The following FLG variants were observed in gnomAD, a reference collection of about 807,000 sequenced individuals.
FLG encodes the protein epidermal filaggrin.
A neutral mutation model predicts 3.8 loss-of-function variants in FLG; 6 were observed. That is an observed-to-expected ratio of 1.60 (90% CI 0.87 to 3.15). The LOEUF (loss-of-function observed/expected upper bound fraction) is 3.15, where lower values mean the gene tolerates loss of function less well. FLG is among the 30% of genes most tolerant of loss of function. The pLI, the probability that FLG is intolerant of heterozygous loss-of-function variation, is 0.00. For missense variants in FLG, 7,595 were observed against 5,050.9 expected, an observed-to-expected ratio of 1.50 and a Z score of -15.27; for synonymous variants, 2,551 against 1,931.6, an observed-to-expected ratio of 1.32 and a Z score of -8.41.
Position 152,312,723 on chromosome 1 carries a change from T to C in FLG, c.2163A>G (p.Arg721=). 1 of 1,613,968 alleles carries C rather than the reference T, an allele frequency of 6.2e-7. No individual in the cohort carries two copies. The highest frequency in any genetic ancestry group is 2.2e-5 in the East Asian group (1 of 44,858). ...RHQLQSADSS[R]HSGTGHGQAS... ...CTTGTCCGTGCCCAGTGCCTGAGTG[T>C]CTGGAGCTGTCTGCTGACTGGAGCT... is the stretch of plus-strand genomic sequence containing the variant. Residue 721 remains arginine, a synonymous_variant, in exon 3 of 3, where the codon AGA becomes AGG. Transcript: ENST00000368799.
rs779686340 is a variant in FLG at position 152,312,698 on chromosome 1, C to A, written c.2188G>T (p.Ala730Ser). The change falls in exon 3 of 3, where the codon GCT (alanine) becomes TCT (serine). Residue 730 changes from alanine to serine, a missense_variant. By Grantham distance (99) the Ala-to-Ser change is moderately conservative. Coordinates refer to ENST00000368799, the MANE Select transcript of FLG (RefSeq NM_002016.2). Reference protein sequence around the residue: ...SRHSGTGHGQASSAVRDSGHR... With the variant: ...SRHSGTGHGQSSSAVRDSGHR... ...CCACTGTCTCTGACTGCAGATGAAG[C>A]TTGTCCGTGCCCAGTGCCTGAGTGT... 1.2e-6 allele frequency: 2 copies of A among 1,614,036 alleles called. No homozygotes were observed. Among genetic ancestry groups the A allele is most frequent in the South Asian group, 2.2e-5 (2 of 91,064 alleles).
chr1:152,311,266 G>A lies in FLG; in HGVS notation c.3620C>T (p.Ser1207Phe), dbSNP rs142660239. Residue 1207 changes from serine to phenylalanine, a missense_variant, in exon 3 of 3, where the codon TCC becomes TTC. Coordinates refer to ENST00000368799, the MANE Select transcript of FLG (RefSeq NM_002016.2). Reference protein sequence around the residue: ...HTTSQGRSDASHGQSGSRSAS... With the variant: ...HTTSQGRSDAFHGQSGSRSAS... ...ACTTCTGGATCCTGACTGCCCATGG[G>A]AGGCATCAGACCTTCCCTGGGATGT... The A allele has an allele frequency of 1.2e-6, 2 of 1,613,818 alleles. No homozygotes were observed. The highest frequency in any genetic ancestry group is 1.7e-6 in the Non-Finnish European group (2 of 1,179,968).
Position 152,303,740 on chromosome 1 carries a change from T to A in FLG, c.11146A>T (p.Thr3716Ser), listed in dbSNP as rs1294140507. The change falls in exon 3 of 3, where the codon ACT becomes TCT. Residue 3716 changes from threonine (T) to serine (S), a missense_variant. Physicochemically the swap from Thr to Ser is moderately conservative, Grantham distance 58. Coordinates refer to ENST00000368799, the MANE Select transcript of FLG (RefSeq NM_002016.2). The part of the protein sequence containing the change: ...RSGSFLYQVS[T>S]HEQSESAHGR... ...TGGGCAGACTCAGACTGTTCATGAGTGCTCACCTGGTAGAGGAAAGACCCT... is the reference window on the plus strand; with the variant it reads ...TGGGCAGACTCAGACTGTTCATGAGAGCTCACCTGGTAGAGGAAAGACCCT... 6.2e-6 allele frequency: 10 copies of A among 1,613,668 alleles called. No individual in the cohort carries two copies. The highest frequency in any genetic ancestry group is 8.5e-6 in the Non-Finnish European group (10 of 1,179,906).
rs552696097 is a variant in FLG at position 152,302,818 on chromosome 1, T to C, written c.12068A>G (p.Asp4023Gly). The C allele has an allele frequency of 1.2e-6, 2 of 1,614,234 alleles. No individual in the cohort carries two copies. Among genetic ancestry groups the C allele is most frequent in the South Asian group, 2.2e-5 (2 of 91,082 alleles). ...ATACGTTGCATAATACCTTGGATGA[T>C]CTTTACCAAACGCACTTGCTTTACA... Reference protein sequence around the residue: ...DICKASAFGKDHPRYYATYIN... With the variant: ...DICKASAFGKGHPRYYATYIN... Residue 4023 changes from aspartate to glycine, a missense_variant, in exon 3 of 3, where the codon GAT (aspartate) becomes GGT (glycine). Transcript: ENST00000368799.
rs1220047578 is a variant in FLG at position 152,304,590 on chromosome 1, G to A, written c.10296C>T (p.Asp3432=). 6.2e-7 allele frequency: 1 copy of A among 1,610,226 alleles called. No homozygotes were observed. Among genetic ancestry groups the A allele is most frequent in the Non-Finnish European group, 8.5e-7 (1 of 1,178,372 alleles). ...SRHSASQEGQ[D]TIRGHPGSSR... ...TTGACCCCGGGTGTCCACGAATGGT[G>A]TCCTGACCCTCTTGGGACGCTGAGT... The change falls in exon 3 of 3, where the codon GAC becomes GAT. Residue 3432 remains aspartate, a synonymous_variant. Transcript: ENST00000368799.
In FLG at chr1:152,304,243, T is replaced by G; in HGVS notation, c.10643A>C (p.His3548Pro). The G allele has an allele frequency of 6.2e-7, 1 of 1,613,142 alleles. No individual in the cohort carries two copies. Among genetic ancestry groups the G allele is most frequent in the Non-Finnish European group, 8.5e-7 (1 of 1,179,718 alleles). Residue 3548 changes from histidine to proline, a missense_variant, in exon 3 of 3, where the codon CAC becomes CCC. Transcript: ENST00000368799. Reference sequence around the variant, plus strand: ...AGACCACCTCTCAGAGTCTTCTGAGTGTCCCTGACTGTCACTGTCCTGGCT... The same window carrying G: ...AGACCACCTCTCAGAGTCTTCTGAGGGTCCCTGACTGTCACTGTCCTGGCT... ...SVSQDSDSQG[H>P]SEDSERWSGS...
At position 152,310,607 on chromosome 1, in the gene FLG, C is replaced by T. The variant is rs148844389; in HGVS notation, c.4279G>A (p.Ala1427Thr). The T allele has an allele frequency of 3.6e-4, 588 of 1,613,710 alleles. 2 individuals carry two copies. Among genetic ancestry groups the T allele is most frequent in the Admixed American group, 3.0e-4 (18 of 59,976 alleles). ...GPHQQSHKES[A>T]RGQSGESSGR... is the part of the protein sequence containing the mutation. ...GAGCTTTCCCCTGACTGGCCACGTG[C>T]GGACTCTTTGTGGCTCTGCTGATGG... The change falls in exon 3 of 3, where the codon GCA becomes ACA. Residue 1427 changes from alanine to threonine, a missense_variant. Coordinates refer to ENST00000368799, the MANE Select transcript of FLG (RefSeq NM_002016.2).
rs1361644374 is a variant in FLG at position 152,302,340 on chromosome 1, TTGGCTCCTTCGATA to T, written c.*346_*359del. On this transcript the variant is annotated 3_prime_UTR_variant, in exon 3 of 3. Coordinates refer to ENST00000368799, the MANE Select transcript of FLG (RefSeq NM_002016.2). ...TGGTATACAGAACTGTTTTATATTT[TTGGCTCCTTCGATA>T]TTTCTGAAAAAGATTAATTTAGAAA... 2.1e-5 allele frequency: 6 copies of T among 285,278 alleles called. No individual in the cohort carries two copies. The highest frequency in any genetic ancestry group is 4.0e-5 in the Non-Finnish European group (6 of 151,516). The allele number at this position is 285,278 out of a possible 1,614,324, so 17.7% of individuals were successfully genotyped here.
At position 152,308,093 on chromosome 1, in the gene FLG, T is replaced by C. The variant is rs1474453844; in HGVS notation, c.6793A>G (p.Arg2265Gly). Residue 2265 changes from arginine to glycine, a missense_variant, in exon 3 of 3, where the codon AGA (arginine) becomes GGA (glycine). Transcript: ENST00000368799. ...DSERRSGSAS[R>G]NHHGSAQEQS... ...TCCTGAGCAGATCCATGATGGTTTC[T>C]GGACGCAGACCCAGACCGCCTCTCA... 2.5e-6 allele frequency: 4 copies of C among 1,614,034 alleles called. No individual in the cohort carries two copies. Among genetic ancestry groups the C allele is most frequent in the Admixed American group, 3.3e-5 (2 of 60,016 alleles).
Position 152,303,750 on chromosome 1 carries a change from G to A in FLG, c.11136C>T (p.Tyr3712=). Residue 3712 remains tyrosine (Y), a synonymous_variant, in exon 3 of 3, where the codon TAC becomes TAT. Coordinates refer to ENST00000368799, the MANE Select transcript of FLG (RefSeq NM_002016.2). ...CAGACTGTTCATGAGTGCTCACCTG[G>A]TAGAGGAAAGACCCTGAACGTCCAG... ...GRSGRSGSFL[Y]QVSTHEQSES... 6.2e-7 allele frequency: 1 copy of A among 1,613,862 alleles called. No homozygotes were observed. The highest frequency in any genetic ancestry group is 8.5e-7 in the Non-Finnish European group (1 of 1,179,908).
rs757363373 is a variant in FLG at position 152,309,039 on chromosome 1, C to G, written c.5847G>C (p.Gln1949His). The G allele has an allele frequency of 6.2e-7, 1 of 1,614,210 alleles. No homozygotes were observed. Among genetic ancestry groups the G allele is most frequent in the Non-Finnish European group, 8.5e-7 (1 of 1,180,034 alleles). The change falls in exon 3 of 3, where the codon CAG becomes CAC. Residue 1949 changes from glutamine to histidine, a missense_variant. By Grantham distance (24) the Gln-to-His change is conservative (BLOSUM62 0). Coordinates refer to ENST00000368799, the MANE Select transcript of FLG (RefSeq NM_002016.2). ...CAGGGTGTCTGGAGCCATCTCTTGA[C>G]TGCTCCCAAGCAGATCCAAGATGGT... ...SRNHLGSAWE[Q>H]SRDGSRHPGS...
At position 152,310,585 on chromosome 1, in the gene FLG, C is replaced by T; in HGVS notation, c.4301G>A (p.Ser1434Asn). Residue 1434 changes from serine (S) to asparagine (N), a missense_variant, in exon 3 of 3, where the codon AGC (serine) becomes AAC (asparagine). Coordinates refer to ENST00000368799, the MANE Select transcript of FLG (RefSeq NM_002016.2). ...KESARGQSGE[S>N]SGRSRSFLYQ... Reference sequence around the variant, plus strand: ...GAGGAAAGACCTTGAACGTCCAGAGCTTTCCCCTGACTGGCCACGTGCGGA... The same window carrying T: ...GAGGAAAGACCTTGAACGTCCAGAGTTTTCCCCTGACTGGCCACGTGCGGA... The T allele has an allele frequency of 1.2e-6, 2 of 1,613,992 alleles. No homozygotes were observed. The highest frequency in any genetic ancestry group is 1.1e-5 in the South Asian group (1 of 91,064).
At position 152,303,035 on chromosome 1, in the gene FLG, G is replaced by A. The variant is rs770067056; in HGVS notation, c.11851C>T (p.His3951Tyr). Residue 3951 changes from histidine (H) to tyrosine (Y), a missense_variant, in exon 3 of 3, where the codon CAC becomes TAC. Physicochemically the swap from His to Tyr is moderately conservative, Grantham distance 83. Transcript: ENST00000368799. ...TGATAATGATAAGAACTAGAACTGTGAGGACTGCCACGTGACTGTATTCCT... is the reference window on the plus strand; with the variant it reads ...TGATAATGATAAGAACTAGAACTGTAAGGACTGCCACGTGACTGTATTCCT... Reference protein sequence around the residue: ...HSGIQSRGSPHSSSSYHYQSE... With the variant: ...HSGIQSRGSPYSSSSYHYQSE... 13 of 1,614,130 alleles carry A rather than the reference G, an allele frequency of 8.1e-6. No individual in the cohort carries two copies. The African/African-American group carries it at 1.5e-4, about 18-fold the overall frequency.
At position 152,310,235 on chromosome 1, in the gene FLG, C is replaced by T. The variant is rs780770275; in HGVS notation, c.4651G>A (p.Gly1551Arg). Residue 1551 changes from glycine to arginine, a missense_variant, in exon 3 of 3, where the codon GGA (glycine) becomes AGA (arginine). Coordinates refer to ENST00000368799, the MANE Select transcript of FLG (RefSeq NM_002016.2). ...SRQTRNEEQS[G>R]DGSRHSGSRH... is the part of the protein sequence containing the mutation. ...GACCCTGAGTGCCTGGAGCCGTCTC[C>T]TGATTGTTCCTCATTTCTTGTTTGC... The T allele has an allele frequency of 5.0e-6, 8 of 1,613,796 alleles. No individual in the cohort carries two copies. Among genetic ancestry groups the T allele is most frequent in the East Asian group, 4.5e-5 (2 of 44,814 alleles).
At position 152,311,948 on chromosome 1, in the gene FLG, G is replaced by C. The variant is rs12756586; in HGVS notation, c.2938C>G (p.His980Asp). 40,172 of 1,577,942 alleles carry C rather than the reference G, an allele frequency of 0.025. 708 individuals are homozygous for C. Among genetic ancestry groups the C allele is most frequent in the South Asian group, 0.059 (5,082 of 85,828 alleles). ...HRGSAQEQSR[H>D]GSRHPRSHHE... ...TGGGACCTGGGGTGTCTGGAGCCAT[G>C]TCTTGACTGCTCCTGAGCAGATCCA... Residue 980 changes from histidine to aspartate, a missense_variant, in exon 3 of 3, where the codon CAT (histidine) becomes GAT (aspartate). By Grantham distance (81) the His-to-Asp change is moderately conservative. Coordinates refer to ENST00000368799, the MANE Select transcript of FLG (RefSeq NM_002016.2).
At position 152,312,703 on chromosome 1, in the gene FLG, C is replaced by T; in HGVS notation, c.2183G>A (p.Gly728Glu). The change falls in exon 3 of 3, where the codon GGA becomes GAA. Residue 728 changes from glycine to glutamate, a missense_variant. Transcript: ENST00000368799. ...DSSRHSGTGH[G>E]QASSAVRDSG... is the part of the protein sequence containing the mutation. The stretch of plus-strand genomic sequence containing the variant: ...GTCTCTGACTGCAGATGAAGCTTGT[C>T]CGTGCCCAGTGCCTGAGTGTCTGGA... The T allele has an allele frequency of 1.9e-6, 3 of 1,613,970 alleles. No individual in the cohort carries two copies. Among genetic ancestry groups the T allele is most frequent in the Non-Finnish European group, 2.5e-6 (3 of 1,180,010 alleles).
In FLG at chr1:152,307,842, G is replaced by C. The variant is rs147071702; in HGVS notation, c.7044C>G (p.His2348Gln). ...CTCTGACTGCAGATGAAGCTTGTCC[G>C]TGCCCAATGCCTGAGTGTCTGGAGC... ...ADSSRHSGIG[H>Q]GQASSAVRDS... Residue 2348 changes from histidine (H) to glutamine (Q), a missense_variant, in exon 3 of 3, where the codon CAC (histidine) becomes CAG (glutamine). Transcript: ENST00000368799. 6.2e-7 allele frequency: 1 copy of C among 1,613,114 alleles called. No individual in the cohort carries two copies.
rs75530805 is a variant in FLG, at chr1:152,313,401, C to G, written c.1485G>C (p.Ser495=). Residue 495 remains serine, a synonymous_variant, in exon 3 of 3, where the codon TCG becomes TCC. Coordinates refer to ENST00000368799, the MANE Select transcript of FLG (RefSeq NM_002016.2). ...AGCTGTCTCGTGCCTGCTCGTGGTGCGATCCTTGTCTTCCTCCAGTGCTGG... is the reference window on the plus strand; with the variant it reads ...AGCTGTCTCGTGCCTGCTCGTGGTGGGATCCTTGTCTTCCTCCAGTGCTGG... ...TGTSTGGRQG[S]HHEQARDSSR... is the part of the protein sequence containing the mutation. The G allele has an allele frequency of 5.1e-5, 82 of 1,613,506 alleles. No homozygotes were observed. In the East Asian group the frequency reaches 9.8e-4, roughly 19 times the overall value.
In FLG at chr1:152,307,001, G is replaced by C. The variant is rs754310060; in HGVS notation, c.7885C>G (p.Arg2629Gly). ...SADSSRQSGT[R>G]HTQTSSGGQA... ...CCACCAGAGGAAGTCTGTGTGTGACGAGTGCCTGATTGTCTGGAGCTGTCT... is the reference window on the plus strand; with the variant it reads ...CCACCAGAGGAAGTCTGTGTGTGACCAGTGCCTGATTGTCTGGAGCTGTCT... Residue 2629 changes from arginine to glycine, a missense_variant, in exon 3 of 3, where the codon CGT becomes GGT. Arg to Gly is a moderately radical substitution (Grantham distance 125, BLOSUM62 -2). Transcript: ENST00000368799. The C allele has an allele frequency of 3.8e-6, 6 of 1,587,050 alleles. No homozygotes were observed. Among genetic ancestry groups the C allele is most frequent in the African/African-American group, 1.5e-5 (1 of 67,118 alleles).
Sources: allele counts gnomAD v4.1 joint callset, GRCh38; gene constraint gnomAD v4.1.1; transcripts MANE v1.5; gene names NCBI Gene and HGNC (gene_info 2026-07-23, HGNC 2026-07-21).